The following SATB1 variants were observed in gnomAD, a reference collection of about 807,000 sequenced individuals.
The protein encoded by SATB1 is DNA-binding protein SATB1.
SATB1 carries 11 observed loss-of-function variants against 86.9 expected under a neutral mutation model. That is an observed-to-expected ratio of 0.13 (90% CI 0.08 to 0.21). The LOEUF (loss-of-function observed/expected upper bound fraction) is 0.21. Ranked by LOEUF, SATB1 falls within the 10% of genes least tolerant of loss-of-function variation. The probability of loss-of-function intolerance (pLI) is 1.00; values close to 1 mark genes in which losing one functional copy is unlikely to be tolerated. For synonymous variants in SATB1, 357 were observed against 357.2 expected (o/e 1.00, Z 0.01); for missense variants, 551 against 937.6 (o/e 0.59, Z 5.39).
At position 18,347,266 on chromosome 3, in the gene SATB1, G is replaced by A. The variant is rs1021621644; in HGVS notation, c.*1904C>T. 2 of 152,100 alleles carry A rather than the reference G, an allele frequency of 1.3e-5. No individual in the cohort carries two copies. The highest frequency in any genetic ancestry group is 4.8e-5 in the African/African-American group (2 of 41,410). The allele number at this position is 152,100 out of a possible 1,614,324, so 9.4% of individuals were successfully genotyped here. On this transcript the variant is annotated 3_prime_UTR_variant, in exon 11 of 11. Coordinates refer to ENST00000338745, the MANE Select transcript of SATB1 (RefSeq NM_002971.6). Reference sequence around the variant, plus strand: ...AGCATCTAGGAAACAAAGTGAGGGAGCAAATAAAAGAAAAATCACCCCAAA... The same window carrying A: ...AGCATCTAGGAAACAAAGTGAGGGAACAAATAAAAGAAAAATCACCCCAAA...
At chr3:18,362,756 G>A (rs1694963487) in intron 9 of SATB1, among the ~76,000 whole-genome samples, 1 of 144,230 alleles carries the variant, frequency 6.9e-6, no homozygotes, top group Non-Finnish European at 1.5e-5. Flanking sequence ...AATTTATTAT[G>A]TTGCTTCCTA....
chr3:18,423,653 T>C lies in SATB1; in HGVS notation c.-51A>G, dbSNP rs1698499514. ...ACTTCAAAACTTGACAGCACATAAA[T>C]AACAAAAACAAAGGAGATTTCCTTT... On this transcript the variant is annotated 5_prime_UTR_variant, in exon 1 of 11. Transcript: ENST00000338745. 1 of 149,242 alleles carries C rather than the reference T, an allele frequency of 6.7e-6. No individual in the cohort carries two copies. Among genetic ancestry groups the C allele is most frequent in the African/African-American group, 2.5e-5 (1 of 40,384 alleles). The allele number at this position is 149,242 out of a possible 1,614,324, so 9.2% of individuals were successfully genotyped here.
chr3:18,410,017 G>A (rs1697752754), intron 5 of SATB1, among the ~76,000 whole-genome samples: 1 of 151,948 alleles, frequency 6.6e-6, no homozygotes, highest in Non-Finnish European at 1.5e-5. Context: ...GAAAGAATAG[G>A]AAAGAGAAGT....
At chr3:18,417,551 G>T in intron 2 of SATB1, 3 of 620,250 alleles carry the variant, frequency 4.8e-6, no homozygotes, top group South Asian at 1.9e-5. Flanking sequence ...AATTATCTTC[G>T]ACCACGAAAT....
intron 5 of SATB1, among the ~76,000 whole-genome samples, chr3:18,401,718 G>A (rs1697276737): frequency 6.6e-6 from 1 of 152,152 alleles, no homozygotes; most frequent in Non-Finnish European, 1.5e-5. Context: ...GAAATTGGCT[G>A]TGGGTCTCAT....
At chr3:18,408,314 G>A (rs116516218) in intron 5 of SATB1, among the ~76,000 whole-genome samples, 5 of 152,052 alleles carry the variant, frequency 3.3e-5, no homozygotes, top group Non-Finnish European at 5.9e-5. Flanking sequence ...CCAGCACCCC[G>A]TAAGACTGCA....
rs567826777 is a variant in SATB1, at chr3:18,378,068, C to A, written c.1575+102G>T. 8 of 979,314 alleles carry A rather than the reference C, an allele frequency of 8.2e-6. No individual in the cohort carries two copies. In the Admixed American group the frequency reaches 2.1e-4, roughly 25 times the overall value. 60.7% of individuals were successfully genotyped at this position (979,314 alleles called of 1,614,324 possible). ...TGGAAATAATCCTAGACACAGAGGC[C>A]TCTCCGTGATGCAAGTTCATACTGA... On this transcript the variant is annotated intron_variant, in intron 9 of 10. Transcript: ENST00000338745.
At chr3:18,396,009 A>G (rs1019505216) in intron 6 of SATB1, among the ~76,000 whole-genome samples, 8 of 152,228 alleles carry the variant, frequency 5.3e-5, no homozygotes, top group African/African-American at 1.9e-4. Flanking sequence ...CAGGTTTTAC[A>G]TTTAGAGGAA....
chr3:18,407,122 G>A (rs983851009), intron 5 of SATB1, among the ~76,000 whole-genome samples: 1 of 151,972 alleles, frequency 6.6e-6, no homozygotes, highest in African/African-American at 2.4e-5. Context: ...GTTAGTTAAC[G>A]GAAAAGACAC....
At chr3:18,362,860 C>CAAA (rs35470564) in intron 9 of SATB1, among the ~76,000 whole-genome samples, 825 of 32,098 alleles carry the variant, frequency 0.026, 60 homozygotes, top group East Asian at 0.067. Context: ...ATGCCATGTG[C>CAAA]AAAAAAAAAA....
At chr3:18,414,405 C>T (rs1022404338) in intron 5 of SATB1, among the ~76,000 whole-genome samples, 4 of 151,724 alleles carry the variant, frequency 2.6e-5, no homozygotes, top group Middle Eastern at 3.4e-3. Context: ...GTTTTAGCTG[C>T]CCTCCACCAA....
upstream of SATB1, among the ~76,000 whole-genome samples, chr3:18,427,135 T>C (rs1352535174): frequency 6.6e-6 from 1 of 152,214 alleles, no homozygotes; most frequent in African/African-American, 2.4e-5. Flanking sequence ...GCCCAAATGA[T>C]AGTAAATTTT....
In SATB1 at chr3:18,369,337, A is replaced by G. The variant is rs1158145078; in HGVS notation, c.1575+8833T>C. Reference sequence around the variant, plus strand: ...CCCCCCTCCACAAAAAAAAACTTACAGAAAAAAAATGAAAAGCCCAACACA... The same window carrying G: ...CCCCCCTCCACAAAAAAAAACTTACGGAAAAAAAATGAAAAGCCCAACACA... On this transcript the variant is annotated intron_variant, in intron 9 of 10. Transcript: ENST00000338745. Among the ~76,000 whole-genome samples, 6 of 152,088 alleles carry G rather than the reference A, an allele frequency of 3.9e-5. No individual in the cohort carries two copies. In the East Asian group the frequency reaches 1.2e-3, roughly 29 times the overall value.
Position 18,405,449 on chromosome 3 carries a change from C to T in SATB1, c.640-8159G>A, listed in dbSNP as rs1290361385. ...ACCAAAAAACCCTTAAACCACAGAG[C>T]GAAAACAAGAACTAAAGTACTTTGA... On this transcript the variant is annotated intron_variant, in intron 5 of 10. Transcript: ENST00000338745. Among the ~76,000 whole-genome samples, 8 of 151,858 alleles carry T rather than the reference C, an allele frequency of 5.3e-5. No individual in the cohort carries two copies. The East Asian group carries it at 5.8e-4, about 11-fold the overall frequency.
chr3:18,351,311 A>T lies in SATB1; in HGVS notation c.1779+681T>A, dbSNP rs1374719962. 1.9e-6 allele frequency: 3 copies of T among 1,542,148 alleles called. No individual in the cohort carries two copies. The highest frequency in any genetic ancestry group is 2.6e-6 in the Non-Finnish European group (3 of 1,150,148). On this transcript the variant is annotated intron_variant, in intron 10 of 10. Transcript: ENST00000338745. ...GTGGCATAGGTAACTGTGCCCGCTC[A>T]CCTGAGGAGCAGCACCGAGCCATGG...
intron 9 of SATB1, among the ~76,000 whole-genome samples, chr3:18,357,180 T>C (rs547324313): frequency 6.6e-6 from 1 of 151,852 alleles, no homozygotes; most frequent in African/African-American, 2.4e-5. Context: ...TTTGCAGGAA[T>C]AGTTTGTTCC....
At chr3:18,377,109 C>T (rs186757267) in intron 9 of SATB1, among the ~76,000 whole-genome samples, 1 of 152,084 alleles carries the variant, frequency 6.6e-6, no homozygotes, top group African/African-American at 2.4e-5. Flanking sequence ...CTATAAATGT[C>T]GATAGGGTAA....
Position 18,349,065 on chromosome 3 carries a change from G to T in SATB1, c.*105C>A. 6.7e-7 allele frequency: 1 copy of T among 1,496,592 alleles called. No individual in the cohort carries two copies. The highest frequency in any genetic ancestry group is 1.4e-5 in the South Asian group (1 of 71,330). The allele number at this position is 1,496,592 out of a possible 1,614,324, so 92.7% of individuals were successfully genotyped here. ...TTGTGCAAGTTTTTGAAGATTCATT[G>T]GCCAAACAATGAACAACAAAGGTTT... is the stretch of plus-strand genomic sequence containing the variant. On this transcript the variant is annotated 3_prime_UTR_variant, in exon 11 of 11. Coordinates refer to ENST00000338745, the MANE Select transcript of SATB1 (RefSeq NM_002971.6). The surrounding 1 kb of genome is among the most constrained non-coding windows in gnomAD (Gnocchi z 5.5).
intron 10 of SATB1, chr3:18,350,884 C>G (rs1190494264): frequency 4.1e-6 from 1 of 242,258 alleles, no homozygotes; most frequent in Non-Finnish European, 8.2e-6. Flanking sequence ...TAATTTTTCA[C>G]AGAAATACAA....
Sources: allele counts gnomAD v4.1 joint callset (sites outside exome capture counted in the v4.1 genomes callset), GRCh38; gene constraint gnomAD v4.1.1; non-coding constraint Gnocchi (gnomAD v3.1); transcripts MANE v1.5; gene names NCBI Gene and HGNC (gene_info 2026-07-23, HGNC 2026-07-21).